The following PTPN13 variants were observed in gnomAD, a reference collection of about 807,000 sequenced individuals.
PTPN13 encodes tyrosine-protein phosphatase non-receptor type 13.
Under a neutral mutation model 284.0 loss-of-function variants are expected in PTPN13, and 191 were observed. That is an observed-to-expected ratio of 0.67 (90% CI 0.60 to 0.76). PTPN13 has a LOEUF of 0.76. PTPN13 is among the 30% of genes least tolerant of loss of function. The pLI, the probability that PTPN13 is intolerant of heterozygous loss-of-function variation, is 0.00. For missense variants in PTPN13, 2,797 were observed against 2,939.9 expected, an observed-to-expected ratio of 0.95 and a Z score of 1.12; for synonymous variants, 986 against 1,022.3, an observed-to-expected ratio of 0.96 and a Z score of 0.68.
chr4:86,656,929 C>T (rs1309846087), intron 2 of PTPN13, among the ~76,000 whole-genome samples: 2 of 152,314 alleles, frequency 1.3e-5, no homozygotes, highest in South Asian at 2.1e-4. Flanking sequence ...CAATGGCAGG[C>T]GCCCATCCCC....
intron 5 of PTPN13, among the ~76,000 whole-genome samples, chr4:86,693,071 T>TAAAAA (rs34543988): frequency 6.2e-5 from 7 of 112,300 alleles, no homozygotes; most frequent in Admixed American, 9.5e-5. Flanking sequence ...CCGTTATATT[T>TAAAAA]AAAAAAAAAA....
intron 2 of PTPN13, among the ~76,000 whole-genome samples, chr4:86,670,259 G>C (rs1470208202): frequency 7.1e-6 from 1 of 141,394 alleles, no homozygotes; most frequent in Non-Finnish European, 1.5e-5. Context: ...TATATCTGCA[G>C]TTGTGATCTT....
intron 5 of PTPN13, among the ~76,000 whole-genome samples, 160 bp downstream of exon 5, chr4:86,689,350 A>G (rs950748644): frequency 6.6e-6 from 1 of 152,216 alleles, no homozygotes; most frequent in South Asian, 2.1e-4. Flanking sequence ...ATTTGAAACA[A>G]TACTTAAAAT....
intron 40 of PTPN13, among the ~76,000 whole-genome samples, chr4:86,789,533 G>A (rs1742372148): frequency 6.6e-6 from 1 of 152,152 alleles, no homozygotes; most frequent in Admixed American, 6.5e-5. Flanking sequence ...TTATTTGCAT[G>A]TGACTCTTGG....
intron 3 of PTPN13, among the ~76,000 whole-genome samples, chr4:86,681,776 A>G (rs974864918): frequency 3.3e-5 from 5 of 152,100 alleles, no homozygotes; most frequent in African/African-American, 1.2e-4. Context: ...AAAAATAGAA[A>G]CATTAGCTGG....
chr4:86,745,878 G>A (rs1314896350), intron 17 of PTPN13, among the ~76,000 whole-genome samples: 2 of 152,126 alleles, frequency 1.3e-5, no homozygotes, highest in Non-Finnish European at 1.5e-5. Flanking sequence ...CTGGACAGGT[G>A]GCACTTGAAT....
chr4:86,811,747 T>C (rs941745887), intron 47 of PTPN13, among the ~76,000 whole-genome samples: 1 of 152,236 alleles, frequency 6.6e-6, no homozygotes, highest in Non-Finnish European at 1.5e-5. Context: ...GTGGGGGATG[T>C]AGAAGCCGTT....
At chr4:86,626,046 C>T (rs1294111468) in intron 1 of PTPN13, among the ~76,000 whole-genome samples, 1 of 152,068 alleles carries the variant, frequency 6.6e-6, no homozygotes, top group Non-Finnish European at 1.5e-5. Flanking sequence ...AAAATTCTAC[C>T]ATTGCATTGT....
At chr4:86,635,157 G>A in intron 1 of PTPN13, 95 bp from the exon 2 acceptor site, 1 of 1,300,764 alleles carries the variant, frequency 7.7e-7, no homozygotes, top group Non-Finnish European at 1.1e-6. Flanking sequence ...GTAGACAGGG[G>A]GCTTATAGTC....
intron 7 of PTPN13, among the ~76,000 whole-genome samples, chr4:86,706,878 CTTTT>C (rs1304537929): frequency 1.3e-5 from 2 of 152,058 alleles, no homozygotes; most frequent in East Asian, 3.8e-4. Context: ...TTGCTTCATT[CTTTT>C]AATTCTACTT....
chr4:86,660,801 A>T (rs868589670), intron 2 of PTPN13, among the ~76,000 whole-genome samples: 39 of 152,190 alleles, frequency 2.6e-4, no homozygotes, highest in African/African-American at 9.2e-4. Context: ...CCACAAACAC[A>T]GTCAATACAC....
At chr4:86,684,287 G>A (rs191348478) in intron 3 of PTPN13, among the ~76,000 whole-genome samples, 2 of 152,264 alleles carry the variant, frequency 1.3e-5, no homozygotes, top group East Asian at 3.9e-4. Context: ...ATCATCACTG[G>A]CCTATCAGTA....
rs1371738179 is a variant in PTPN13, at chr4:86,628,400, C to A, written c.-5-6852C>A. On this transcript the variant is annotated intron_variant, in intron 1 of 47. Coordinates refer to ENST00000411767, the MANE Select transcript of PTPN13 (RefSeq NM_080683.3). ...GATGTCCATTCAAATCTAAAAAAAA[C>A]TGGATTGTTTGGTTTTTTAATTATA... 2.0e-5 allele frequency among the ~76,000 whole-genome samples: 3 copies of A among 151,796 alleles called. No individual in the cohort carries two copies. The South Asian group carries it at 6.2e-4, about 31-fold the overall frequency.
chr4:86,756,461 A>G (rs900037360), intron 20 of PTPN13, among the ~76,000 whole-genome samples: 1 of 152,078 alleles, frequency 6.6e-6, no homozygotes, highest in African/African-American at 2.4e-5. Flanking sequence ...CCATTGTCCA[A>G]TGATAGTTTT....
At position 86,778,870 on chromosome 4, in the gene PTPN13, G is replaced by A. The variant is rs924419885; in HGVS notation, c.5892-1532G>A. ...GCACCTTGCTCTTGTGTTTCCCTTA[G>A]AGATTTTGTAAAACTGATAGTTGGA... On this transcript the variant is annotated intron_variant, in intron 35 of 47. Coordinates refer to ENST00000411767, the MANE Select transcript of PTPN13 (RefSeq NM_080683.3). Among the ~76,000 whole-genome samples, 5 of 151,588 alleles carry A rather than the reference G, an allele frequency of 3.3e-5. No individual in the cohort carries two copies. In the East Asian group the frequency reaches 9.7e-4, roughly 29 times the overall value.
chr4:86,613,471 A>T (rs191851297), intron 1 of PTPN13, among the ~76,000 whole-genome samples: 1 of 152,016 alleles, frequency 6.6e-6, no homozygotes, highest in African/African-American at 2.4e-5. Context: ...CGTGTCTACT[A>T]AAAATACGAA....
chr4:86,809,849 G>C lies in PTPN13; in HGVS notation c.7164G>C (p.Leu2388=). 1 of 1,613,964 alleles carries C rather than the reference G, an allele frequency of 6.2e-7. No homozygotes were observed. The highest frequency in any genetic ancestry group is 1.3e-5 in the African/African-American group (1 of 75,026). Residue 2388 remains leucine, a synonymous_variant, in exon 46 of 48, where the codon CTG becomes CTC. Coordinates refer to ENST00000411767, the MANE Select transcript of PTPN13 (RefSeq NM_080683.3). ...ATACACCTTCTCAACCAGATGATCT[G>C]CTTACTTTTATCTCCTACATGAGAC... is the stretch of plus-strand genomic sequence containing the variant. ...DHDTPSQPDD[L]LTFISYMRHI...
At chr4:86,752,449 G>T (rs558708323) in intron 19 of PTPN13, among the ~76,000 whole-genome samples, 6 of 152,268 alleles carry the variant, frequency 3.9e-5, no homozygotes, top group East Asian at 3.9e-4. Flanking sequence ...TAAAAGGCAA[G>T]ATTTCATTCT....
chr4:86,773,910 G>A (rs954406473), intron 32 of PTPN13, among the ~76,000 whole-genome samples: 6 of 151,616 alleles, frequency 4.0e-5, no homozygotes, highest in South Asian at 2.1e-4. Context: ...GATAATCACC[G>A]AAAGACTTCA....
Sources: gnomAD v4.1 joint callset for allele counts (sites outside exome capture counted in the v4.1 genomes callset) on GRCh38, gnomAD v4.1.1 for gene constraint, MANE v1.5 for transcripts, NCBI Gene and HGNC (gene_info 2026-07-23, HGNC 2026-07-21) for gene names.